The following CDK3 variants were observed in gnomAD, a reference collection of about 807,000 sequenced individuals.
CDK3 encodes cyclin dependent kinase 3.
A neutral mutation model predicts 30.2 loss-of-function variants in CDK3; 24 were observed. That is an observed-to-expected ratio of 0.79 (90% CI 0.57 to 1.12). The LOEUF (loss-of-function observed/expected upper bound fraction) is 1.12. Among genes scored for constraint, CDK3 ranks in the 50% most tolerant of loss-of-function variants. The pLI, the probability that CDK3 is intolerant of heterozygous loss-of-function variation, is 0.00. For missense variants in CDK3, 345 were observed against 376.0 expected (o/e 0.92, Z 0.68); for synonymous variants, 158 against 154.2 (o/e 1.02, Z -0.18).
chr17:76,001,368 G>T lies in CDK3; in HGVS notation c.-14-44G>T, dbSNP rs1190848710. 3.1e-6 allele frequency: 5 copies of T among 1,611,348 alleles called. No homozygotes were observed. The Admixed American group carries it at 8.4e-5, about 27-fold the overall frequency. ...TGGAAGCTGGAGGAGCAACGGGAGC[G>T]CTGGGCGTGGGGTGCAAATTGCCCG... On this transcript the variant is annotated intron_variant, in intron 1 of 7. Transcript: ENST00000448471. This position sits in a 1 kb window ranked among gnomAD's most constrained non-coding sequence, Gnocchi z 6.2.
Position 76,001,089 on chromosome 17 carries a change from AG to A in CDK3, c.-15+127del. ...CCTGGGGGTTCTGGCTGGGATGGGCAGGGGGCTGGGTGGGAGAGTGTGGGCC... is the reference window on the plus strand; with the variant it reads ...CCTGGGGGTTCTGGCTGGGATGGGCAGGGGCTGGGTGGGAGAGTGTGGGCC... On this transcript the variant is annotated intron_variant, in intron 1 of 7. Transcript: ENST00000448471. This position sits in a 1 kb window ranked among gnomAD's most constrained non-coding sequence, Gnocchi z 6.2. The A allele has an allele frequency of 9.7e-7, 1 of 1,026,612 alleles. No homozygotes were observed. The highest frequency in any genetic ancestry group is 1.2e-6 in the Non-Finnish European group (1 of 814,158). 63.6% of individuals were successfully genotyped at this position (1,026,612 alleles called of 1,614,324 possible).
At chr17:76,004,711 T>C (rs2066295507) in intron 7 of CDK3, 1 of 152,728 alleles carries the variant, frequency 6.5e-6, no homozygotes, top group African/African-American at 2.4e-5. Context: ...TAATCTGGTG[T>C]TGAATGAGAG....
In CDK3 at chr17:76,003,227, T is replaced by C. The variant is rs780608638; in HGVS notation, c.621T>C (p.Ser207=). 1 of 1,611,600 alleles carries C rather than the reference T, an allele frequency of 6.2e-7. No individual in the cohort carries two copies. The highest frequency in any genetic ancestry group is 8.5e-7 in the Non-Finnish European group (1 of 1,177,698). The change falls in exon 7 of 8, where the codon TCT becomes TCC. Residue 207 remains serine (S), a synonymous_variant. Transcript: ENST00000448471. ...GAAAAGCCCTGTTTCCTGGTGACTC[T>C]GAGATTGACCAGCTCTTTCGTATCT... The part of the protein sequence containing the change: ...VTRKALFPGD[S]EIDQLFRIFR...
In CDK3 at chr17:76,001,295, TTGGGAGC is replaced by T; in HGVS notation, c.-14-112_-14-106del. The T allele has an allele frequency of 1.3e-6, 2 of 1,531,614 alleles. No individual in the cohort carries two copies. Among genetic ancestry groups the T allele is most frequent in the Non-Finnish European group, 1.7e-6 (2 of 1,142,922 alleles). 94.9% of individuals were successfully genotyped at this position (1,531,614 alleles called of 1,614,324 possible). A position where few individuals can be genotyped will look rare whatever the true frequency, so the allele number is the denominator to read the frequency against. On this transcript the variant is annotated intron_variant, in intron 1 of 7. Transcript: ENST00000448471. The surrounding 1 kb of genome is among the most constrained non-coding windows in gnomAD (Gnocchi z 6.2). ...GGTTGGGGTGGCTAGGCCGTGGGCC[TTGGGAGC>T]TGGGCAGTCTGGGCTGGGCTGGGCT...
rs2066272459 is a variant in CDK3 at position 76,002,670 on chromosome 17, GGGTGGGGTCCACT to G, written c.588+60_588+72del. ...CCACAGGCAGGGTCCTACTGGGGTT[GGGTGGGGTCCACT>G]GATGCTCCCATTCGAGGCGGATTAA... On this transcript the variant is annotated intron_variant, in intron 6 of 7. Coordinates refer to ENST00000448471, the MANE Select transcript of CDK3 (RefSeq NM_001258.4). The surrounding 1 kb of genome is among the most constrained non-coding windows in gnomAD (Gnocchi z 4.3). 1.3e-6 allele frequency: 1 copy of G among 775,588 alleles called. No individual in the cohort carries two copies. Among genetic ancestry groups the G allele is most frequent in the African/African-American group, 1.7e-5 (1 of 59,104 alleles). 48.0% of individuals were successfully genotyped at this position (775,588 alleles called of 1,614,324 possible).
rs946990067 is a variant in CDK3, at chr17:76,001,219, G to A, written c.-14-193G>A. The A allele has an allele frequency of 2.8e-6, 4 of 1,441,320 alleles. No individual in the cohort carries two copies. The highest frequency in any genetic ancestry group is 2.7e-5 in the East Asian group (1 of 37,684). 89.3% of individuals were successfully genotyped at this position (1,441,320 alleles called of 1,614,324 possible). A position where few individuals can be genotyped will look rare whatever the true frequency, so the allele number is the denominator to read the frequency against. On this transcript the variant is annotated intron_variant, in intron 1 of 7. Coordinates refer to ENST00000448471, the MANE Select transcript of CDK3 (RefSeq NM_001258.4). The surrounding 1 kb of genome is among the most constrained non-coding windows in gnomAD (Gnocchi z 6.2). ...CCCCTTGGGGTCCGGGCTGGGCTGGGTGAGGGGCGGTTTCCGACCCCCAGC... is the reference window on the plus strand; with the variant it reads ...CCCCTTGGGGTCCGGGCTGGGCTGGATGAGGGGCGGTTTCCGACCCCCAGC...
At position 76,002,213 on chromosome 17, in the gene CDK3, G is replaced by A. The variant is rs761223956; in HGVS notation, c.316-35G>A. On this transcript the variant is annotated intron_variant, in intron 4 of 7. Transcript: ENST00000448471. The surrounding 1 kb of genome is among the most constrained non-coding windows in gnomAD (Gnocchi z 4.3). Reference sequence around the variant, plus strand: ...CCATCCCTGTCCACGCAGCACCTCCGCTCAGCTGGCTGCACCTCGCGCTCG... The same window carrying A: ...CCATCCCTGTCCACGCAGCACCTCCACTCAGCTGGCTGCACCTCGCGCTCG... 1.4e-5 allele frequency: 22 copies of A among 1,612,332 alleles called. No homozygotes were observed. The highest frequency in any genetic ancestry group is 1.2e-4 in the South Asian group (11 of 91,036).
In CDK3 at chr17:76,005,774, GC is replaced by G. The variant is rs558855182; in HGVS notation, c.*356del. The G allele has an allele frequency of 1.6e-4, 34 of 210,402 alleles. No homozygotes were observed. Among genetic ancestry groups the G allele is most frequent in the Non-Finnish European group, 2.9e-4 (31 of 105,288 alleles). 13.0% of individuals were successfully genotyped at this position (210,402 alleles called of 1,614,324 possible). A position where few individuals can be genotyped will look rare whatever the true frequency, so the allele number is the denominator to read the frequency against. On this transcript the variant is annotated 3_prime_UTR_variant, in exon 8 of 8. Coordinates refer to ENST00000448471, the MANE Select transcript of CDK3 (RefSeq NM_001258.4). This position sits in a 1 kb window ranked among gnomAD's most constrained non-coding sequence, Gnocchi z 4.7. Reference sequence around the variant, plus strand: ...CAGGGCCAGACCCTGAGGAAAGGGCGCCCCCTGCTGGTCTTTTTGGATTTAA... The same window carrying G: ...CAGGGCCAGACCCTGAGGAAAGGGCGCCCCTGCTGGTCTTTTTGGATTTAA...
rs1598225683 is a variant in CDK3 at position 76,005,804 on chromosome 17, G to C, written c.*381G>C. On this transcript the variant is annotated 3_prime_UTR_variant, in exon 8 of 8. Coordinates refer to ENST00000448471, the MANE Select transcript of CDK3 (RefSeq NM_001258.4). This position sits in a 1 kb window ranked among gnomAD's most constrained non-coding sequence, Gnocchi z 4.7. ...CTGCTGGTCTTTTTGGATTTAAAAT[G>C]TTTGGGGGAAGAGTTGAGTTCCAGT... 1 of 182,200 alleles carries C rather than the reference G, an allele frequency of 5.5e-6. No individual in the cohort carries two copies. Among genetic ancestry groups the C allele is most frequent in the Non-Finnish European group, 1.2e-5 (1 of 86,600 alleles). 11.3% of individuals were successfully genotyped at this position (182,200 alleles called of 1,614,324 possible).
Position 76,002,323 on chromosome 17 carries a change from C to T in CDK3, c.391C>T (p.Gln131Ter). Residue 131 changes from glutamine (Q) to a stop codon, truncating the protein, a stop_gained, in exon 5 of 8, where the codon CAG (glutamine) becomes TAG (stop). Coordinates refer to ENST00000448471, the MANE Select transcript of CDK3 (RefSeq NM_001258.4). LOFTEE classifies it high-confidence loss of function. This position sits in a 1 kb window ranked among gnomAD's most constrained non-coding sequence, Gnocchi z 4.3. Reference sequence around the variant, plus strand: ...GGTCATCCACCGAGACCTGAAGCCCCAGAACCTGCTCATCAATGAGTTGGG... The same window carrying T: ...GGTCATCCACCGAGACCTGAAGCCCTAGAACCTGCTCATCAATGAGTTGGG... ...HRVIHRDLKP[Q>*]NLLINELGAI... 1 of 1,612,874 alleles carries T rather than the reference C, an allele frequency of 6.2e-7. No homozygotes were observed.
intron 7 of CDK3, among the ~76,000 whole-genome samples, chr17:76,004,019 C>T (rs575004170): frequency 2.0e-5 from 3 of 152,000 alleles, no homozygotes; most frequent in African/African-American, 4.8e-5. Context: ...GCTGGGATTA[C>T]AGGCATGAGC....
chr17:76,004,219 G>GTTTTTTTTTTTTTTTTTT (rs59029490), intron 7 of CDK3, among the ~76,000 whole-genome samples: 1 of 92,322 alleles, frequency 1.1e-5, no homozygotes, highest in Non-Finnish European at 1.9e-5. Flanking sequence ...AGAACCGTCT[G>GTTTTTTTTTTTTTTTTTT]TTTTTTTTTT....
chr17:76,003,311 C>A lies in CDK3; in HGVS notation c.705C>A (p.Asp235Glu). 6.2e-7 allele frequency: 1 copy of A among 1,614,030 alleles called. No homozygotes were observed. The highest frequency in any genetic ancestry group is 1.7e-5 in the Admixed American group (1 of 60,026). Residue 235 changes from aspartate to glutamate, a missense_variant, in exon 7 of 8, where the codon GAC becomes GAA. Physicochemically the swap from Asp to Glu is conservative, Grantham distance 45. Coordinates refer to ENST00000448471, the MANE Select transcript of CDK3 (RefSeq NM_001258.4). ...GGCCCGGGGTCACCCAGCTGCCTGA[C>A]TATAAGGGCAGCTTCCCTAAGTGGA... Reference protein sequence around the residue: ...DTWPGVTQLPDYKGSFPKWTR... With the variant: ...DTWPGVTQLPEYKGSFPKWTR...
In CDK3 at chr17:76,002,753, C is replaced by T; in HGVS notation, c.588+141C>T. Reference sequence around the variant, plus strand: ...ATGGCTCACGCCCGTAATCCCAGCACTTTGGGAGGCTGAGATGGGAGGATG... The same window carrying T: ...ATGGCTCACGCCCGTAATCCCAGCATTTTGGGAGGCTGAGATGGGAGGATG... On this transcript the variant is annotated intron_variant, in intron 6 of 7. Coordinates refer to ENST00000448471, the MANE Select transcript of CDK3 (RefSeq NM_001258.4). This position sits in a 1 kb window ranked among gnomAD's most constrained non-coding sequence, Gnocchi z 4.3. The T allele has an allele frequency of 8.1e-6, 5 of 614,680 alleles. No individual in the cohort carries two copies. The highest frequency in any genetic ancestry group is 2.7e-5 in the Admixed American group (1 of 37,060). The allele number at this position is 614,680 out of a possible 1,614,324, so 38.1% of individuals were successfully genotyped here. A position where few individuals can be genotyped will look rare whatever the true frequency, so the allele number is the denominator to read the frequency against.
chr17:76,001,305 G>T lies in CDK3; in HGVS notation c.-14-107G>T. 1 of 1,546,514 alleles carries T rather than the reference G, an allele frequency of 6.5e-7. No homozygotes were observed. Among genetic ancestry groups the T allele is most frequent in the Non-Finnish European group, 8.7e-7 (1 of 1,149,838 alleles). On this transcript the variant is annotated intron_variant, in intron 1 of 7. Coordinates refer to ENST00000448471, the MANE Select transcript of CDK3 (RefSeq NM_001258.4). The surrounding 1 kb of genome is among the most constrained non-coding windows in gnomAD (Gnocchi z 6.2). ...GCTAGGCCGTGGGCCTTGGGAGCTG[G>T]GCAGTCTGGGCTGGGCTGGGCTGGG...
At chr17:76,003,751 CTTTTT>C (rs1016161152) in intron 7 of CDK3, among the ~76,000 whole-genome samples, 7 of 151,716 alleles carry the variant, frequency 4.6e-5, no homozygotes, top group Non-Finnish European at 1.5e-5. Flanking sequence ...CTTTTCTTTT[CTTTTT>C]TTTGAGATGG....
At position 76,001,504 on chromosome 17, in the gene CDK3, G is replaced by A; in HGVS notation, c.79G>A (p.Gly27Arg). 6.2e-7 allele frequency: 1 copy of A among 1,614,076 alleles called. No homozygotes were observed. The highest frequency in any genetic ancestry group is 1.3e-5 in the African/African-American group (1 of 75,046). ...GTACAAGGCCAAGAACAGGGAGACA[G>A]GGCAGCTGGTGGCCCTGAAGAAGAT... The part of the protein sequence containing the change: ...VVYKAKNRET[G>R]QLVALKKIRL... Residue 27 changes from glycine to arginine, a missense_variant, in exon 2 of 8, where the codon GGG becomes AGG. Coordinates refer to ENST00000448471, the MANE Select transcript of CDK3 (RefSeq NM_001258.4). This position sits in a 1 kb window ranked among gnomAD's most constrained non-coding sequence, Gnocchi z 6.2.
Position 76,002,374 on chromosome 17 carries a change from C to T in CDK3, c.442C>T (p.Leu148=). 1 of 1,612,756 alleles carries T rather than the reference C, an allele frequency of 6.2e-7. No homozygotes were observed. Among genetic ancestry groups the T allele is most frequent in the Admixed American group, 1.7e-5 (1 of 59,992 alleles). The change falls in exon 5 of 8, where the codon CTG becomes TTG. Residue 148 remains leucine (L), a synonymous_variant. Transcript: ENST00000448471. The surrounding 1 kb of genome is among the most constrained non-coding windows in gnomAD (Gnocchi z 4.3). ...LGAIKLADFG[L]ARAFGVPLRT... Reference sequence around the variant, plus strand: ...TGCCATCAAGCTGGCTGACTTCGGCCTGGCTCGCGCCTTCGGGGTGCCCCT... The same window carrying T: ...TGCCATCAAGCTGGCTGACTTCGGCTTGGCTCGCGCCTTCGGGGTGCCCCT...
In CDK3 at chr17:76,003,239, G is replaced by C; in HGVS notation, c.633G>C (p.Gln211His). 1 of 1,614,186 alleles carries C rather than the reference G, an allele frequency of 6.2e-7. No individual in the cohort carries two copies. The highest frequency in any genetic ancestry group is 8.5e-7 in the Non-Finnish European group (1 of 1,180,042). ...TTCCTGGTGACTCTGAGATTGACCAGCTCTTTCGTATCTTTCGTATGCTGG... is the reference window on the plus strand; with the variant it reads ...TTCCTGGTGACTCTGAGATTGACCACCTCTTTCGTATCTTTCGTATGCTGG... ...ALFPGDSEIDQLFRIFRMLGT... is the reference protein window; with the variant it reads ...ALFPGDSEIDHLFRIFRMLGT... The change falls in exon 7 of 8, where the codon CAG (glutamine) becomes CAC (histidine). Residue 211 changes from glutamine to histidine, a missense_variant. Physicochemically the swap from Gln to His is conservative, Grantham distance 24. Transcript: ENST00000448471.
Sources: gnomAD v4.1 joint callset for allele counts (sites outside exome capture counted in the v4.1 genomes callset) on GRCh38, gnomAD v4.1.1 for gene constraint, Gnocchi (gnomAD v3.1) non-coding constraint, MANE v1.5 for transcripts, NCBI Gene and HGNC (gene_info 2026-07-23, HGNC 2026-07-21) for gene names.